STIM1: variants seen among roughly 807,000 people sequenced by gnomAD.
STIM1 encodes stromal interaction molecule 1.
Under a neutral mutation model 74.7 loss-of-function variants are expected in STIM1, and 25 were observed. That is an observed-to-expected ratio of 0.33 (90% CI 0.24 to 0.47). The LOEUF is 0.47. STIM1 is among the 20% of genes least tolerant of loss of function. The pLI is 1.00. For synonymous variants in STIM1, 328 were observed against 348.8 expected (o/e 0.94, Z 0.66); for missense variants, 728 against 920.8 (o/e 0.79, Z 2.71).
chr11:4,000,209 G>A (rs1292880084), intron 2 of STIM1, among the ~76,000 whole-genome samples: 12 of 106,982 alleles, frequency 1.1e-4, no homozygotes, highest in South Asian at 8.8e-4. Context: ...AAATGTGCCT[G>A]TCTGACAGCT....
chr11:4,058,250 A>G (rs1189148810), intron 4 of STIM1, among the ~76,000 whole-genome samples: 1 of 152,170 alleles, frequency 6.6e-6, no homozygotes. Flanking sequence ...TGATCAGACA[A>G]ATGAGTCACT....
At chr11:4,084,424 G>A (rs548838951) in intron 10 of STIM1, among the ~76,000 whole-genome samples, 1 of 152,266 alleles carries the variant, frequency 6.6e-6, no homozygotes, top group East Asian at 1.9e-4. Context: ...AAGCCTCTTT[G>A]TTCTTCTAAT....
intron 2 of STIM1, chr11:3,973,403 C>CT (rs916667920): frequency 1.9e-3 from 715 of 376,708 alleles, no homozygotes; most frequent in South Asian, 3.5e-3. Context: ...TATGGTATTT[C>CT]TTTTTTTTTC....
intron 1 of STIM1, among the ~76,000 whole-genome samples, chr11:3,942,200 CG>C (rs1565123066): frequency 6.6e-6 from 1 of 152,072 alleles, no homozygotes; most frequent in Non-Finnish European, 1.5e-5. Flanking sequence ...GGTGTGTGAT[CG>C]AGTTAGTAGC....
At chr11:3,859,736 C>G (rs2090525771) in intron 1 of STIM1, among the ~76,000 whole-genome samples, 2 of 152,190 alleles carry the variant, frequency 1.3e-5, no homozygotes, top group Non-Finnish European at 2.9e-5. Flanking sequence ...ATCTTGGTAG[C>G]TATGCTAATT....
At chr11:4,005,359 T>C (rs1294325135) in intron 2 of STIM1, among the ~76,000 whole-genome samples, 2 of 152,052 alleles carry the variant, frequency 1.3e-5, no homozygotes, top group African/African-American at 4.8e-5. Context: ...ATAGACTGGA[T>C]TAAGAAAATG....
Position 4,050,214 on chromosome 11 carries a change from A to C in STIM1, c.386-5312A>C, listed in dbSNP as rs1303702009. 2.0e-5 allele frequency among the ~76,000 whole-genome samples: 3 copies of C among 152,206 alleles called. 1 individual carries two copies. The highest frequency in any genetic ancestry group is 6.5e-5 in the Admixed American group (1 of 15,270). Reference sequence around the variant, plus strand: ...AAAGATGGAATGTATTGATTGGTTTAGCTTGGGTTACATACTCTACTTTTA... The same window carrying C: ...AAAGATGGAATGTATTGATTGGTTTCGCTTGGGTTACATACTCTACTTTTA... On this transcript the variant is annotated intron_variant, in intron 3 of 12. Transcript: ENST00000526596.
At chr11:4,045,639 G>A (rs574872596) in intron 3 of STIM1, among the ~76,000 whole-genome samples, 276 of 151,756 alleles carry the variant, frequency 1.8e-3, no homozygotes, top group South Asian at 0.011. Context: ...TTTTTGTAGA[G>A]ATGGGTTTTG....
chr11:3,940,214 T>C (rs1465296695), intron 1 of STIM1, among the ~76,000 whole-genome samples: 2 of 152,192 alleles, frequency 1.3e-5, no homozygotes, highest in Non-Finnish European at 2.9e-5. Context: ...GCCAAAACTC[T>C]TGAATGCCTA....
At chr11:3,983,951 C>T (rs1031812276) in intron 2 of STIM1, among the ~76,000 whole-genome samples, 7 of 151,912 alleles carry the variant, frequency 4.6e-5, no homozygotes, top group Non-Finnish European at 1.0e-4. Context: ...ACTGCAACCT[C>T]CGCCTCCTGG....
intron 2 of STIM1, among the ~76,000 whole-genome samples, chr11:3,975,156 C>G (rs993962560): frequency 3.9e-5 from 6 of 152,116 alleles, no homozygotes; most frequent in Non-Finnish European, 7.4e-5. Context: ...TGAAATTAGG[C>G]AGAACTGTGA....
intron 2 of STIM1, among the ~76,000 whole-genome samples, chr11:3,985,895 TAAG>T (rs1362699751): frequency 6.6e-6 from 1 of 152,230 alleles, no homozygotes; most frequent in Non-Finnish European, 1.5e-5. Flanking sequence ...TTCATAGCAT[TAAG>T]AAGAATTGTC....
At chr11:3,971,221 A>T (rs1253267580) in intron 2 of STIM1, among the ~76,000 whole-genome samples, 8 of 151,420 alleles carry the variant, frequency 5.3e-5, no homozygotes, top group African/African-American at 2.0e-4. Context: ...ATAAAAAAAT[A>T]AACAAGTATG....
chr11:3,974,478 C>T (rs1463195583), intron 2 of STIM1, among the ~76,000 whole-genome samples: 1 of 148,036 alleles, frequency 6.8e-6, no homozygotes, highest in Non-Finnish European at 1.5e-5. Context: ...GAGTTCAAGA[C>T]CAGCCTGGAC....
intron 1 of STIM1, among the ~76,000 whole-genome samples, chr11:3,886,934 C>T (rs768899220): frequency 6.7e-6 from 1 of 150,354 alleles, no homozygotes; most frequent in Non-Finnish European, 1.5e-5. Context: ...ACTCAGGAGG[C>T]GGAGGTTGCA....
At chr11:3,896,957 T>C (rs971497925) in intron 1 of STIM1, among the ~76,000 whole-genome samples, 2 of 152,250 alleles carry the variant, frequency 1.3e-5, no homozygotes, top group Admixed American at 6.5e-5. Context: ...AGCAGCCAGC[T>C]TGACACATAA....
At chr11:4,062,167 A>C (rs2094335326) in intron 5 of STIM1, among the ~76,000 whole-genome samples, 1 of 152,232 alleles carries the variant, frequency 6.6e-6, no homozygotes, top group Non-Finnish European at 1.5e-5. Flanking sequence ...ATTTTTTAAA[A>C]AGCATATACA....
chr11:3,897,829 A>G (rs890159532), intron 1 of STIM1, among the ~76,000 whole-genome samples: 1 of 152,052 alleles, frequency 6.6e-6, no homozygotes, highest in African/African-American at 2.4e-5. Context: ...CCATGTCCCT[A>G]CAAAGGACAC....
At chr11:3,925,695 A>C (rs773092580) in intron 1 of STIM1, among the ~76,000 whole-genome samples, 8 of 152,206 alleles carry the variant, frequency 5.3e-5, no homozygotes, top group Non-Finnish European at 8.8e-5. Flanking sequence ...TGCTTGTATA[A>C]ATAAAGTTTT....
Sources: allele counts gnomAD v4.1 joint callset (sites outside exome capture counted in the v4.1 genomes callset), GRCh38; gene constraint gnomAD v4.1.1; transcripts MANE v1.5; gene names NCBI Gene and HGNC (gene_info 2026-07-23, HGNC 2026-07-21).